The following NARF variants were observed in gnomAD, a reference collection of about 807,000 sequenced individuals.
NARF encodes iron-only hydrogenase-like protein 2.
In NARF, 41 loss-of-function variants were observed where a neutral mutation model predicts 48.0. The ratio of observed to expected loss-of-function variants is 0.85; its 90% confidence interval spans 0.66 to 1.11. NARF has a LOEUF of 1.11. Ranked by LOEUF, NARF falls within the 50% of genes least tolerant of loss-of-function variation. The pLI, the probability that NARF is intolerant of heterozygous loss-of-function variation, is 0.00. For synonymous variants in NARF, 215 were observed against 225.5 expected (o/e 0.95, Z 0.42); for missense variants, 613 against 590.2 (o/e 1.04, Z -0.40).
chr17:82,465,611 A>T (rs1004391887), intron 3 of NARF, among the ~76,000 whole-genome samples: 4 of 152,190 alleles, frequency 2.6e-5, no homozygotes, highest in Non-Finnish European at 5.9e-5. Context: ...GGCCTCACCC[A>T]GGCTGGAGTG....
intron 6 of NARF, chr17:82,480,005 A>C (rs983705674): frequency 1.3e-5 from 2 of 155,488 alleles, no homozygotes; most frequent in African/African-American, 4.8e-5. Context: ...AGGTGCCATG[A>C]GGGGCAGCCG....
chr17:82,463,793 G>A (rs960926243), intron 2 of NARF: 2 of 155,626 alleles, frequency 1.3e-5, no homozygotes, highest in Non-Finnish European at 2.9e-5. Context: ...ACATGTCCGA[G>A]TGCAAACCCA....
At chr17:82,459,032 C>T (rs963296432) in intron 1 of NARF, 1 of 1,207,884 alleles carries the variant, frequency 8.3e-7, no homozygotes, top group Non-Finnish European at 1.0e-6. Context: ...TCGGTCTTCG[C>T]GGTTCTCCCT....
At chr17:82,479,864 A>G in intron 6 of NARF, 1 of 152,498 alleles carries the variant, frequency 6.6e-6, no homozygotes, top group Non-Finnish European at 1.5e-5. Flanking sequence ...CAGTTTAGGC[A>G]GGACCGAAAA....
intron 7 of NARF, chr17:82,482,362 CG>C (rs974588293): frequency 5.5e-5 from 12 of 216,542 alleles, no homozygotes; most frequent in Non-Finnish European, 8.1e-5. Context: ...GTCCTCAGCA[CG>C]GCCATCCTTC....
chr17:82,464,577 CTTCCAA>C, intron 3 of NARF, 147 bp downstream of exon 3: 3 of 1,015,120 alleles, frequency 3.0e-6, no homozygotes, highest in Admixed American at 3.1e-5. Flanking sequence ...CTGCTTTGAC[CTTCCAA>C]ACCTCTCCAT....
rs1310373727 is a variant in NARF, at chr17:82,460,087, C to T, written c.108+15C>T. The T allele has an allele frequency of 3.7e-6, 6 of 1,610,670 alleles. No individual in the cohort carries two copies. In the Admixed American group the frequency reaches 1.0e-4, roughly 27 times the overall value. On this transcript the variant is annotated intron_variant, in intron 2 of 10. Transcript: ENST00000309794. ...AAAATGGAGAGGCAAGTAGATTTTTCAGTTTTGTATCAGCCCAGAGTAAAC... is the reference window on the plus strand; with the variant it reads ...AAAATGGAGAGGCAAGTAGATTTTTTAGTTTTGTATCAGCCCAGAGTAAAC...
At chr17:82,482,562 T>TA (rs1244235085) in intron 7 of NARF, 2 of 153,412 alleles carry the variant, frequency 1.3e-5, no homozygotes, top group East Asian at 3.9e-4. Context: ...GCCATAGTTT[T>TA]AGAGGCTCAG....
chr17:82,467,359 A>G (rs1051782191), intron 3 of NARF, among the ~76,000 whole-genome samples: 2 of 152,146 alleles, frequency 1.3e-5, no homozygotes, highest in African/African-American at 4.8e-5. Context: ...TGACTCTTAT[A>G]TCTGAACCTG....
intron 9 of NARF, 74 bp downstream of exon 9, chr17:82,485,024 G>T: frequency 6.8e-7 from 1 of 1,469,482 alleles, no homozygotes; most frequent in Non-Finnish European, 9.0e-7. Flanking sequence ...ATGGATCTGT[G>T]CATGTGGCGG....
At chr17:82,475,245 A>C (rs2043806310) in intron 5 of NARF, among the ~76,000 whole-genome samples, 1 of 152,224 alleles carries the variant, frequency 6.6e-6, no homozygotes, top group South Asian at 2.1e-4. Flanking sequence ...CAACCAAGGA[A>C]GAGGCCGTGT....
At chr17:82,481,365 C>A in intron 7 of NARF, 154 bp downstream of exon 7, 1 of 1,124,150 alleles carries the variant, frequency 8.9e-7, no homozygotes, top group Non-Finnish European at 1.2e-6. Flanking sequence ...GTCCTAGGGG[C>A]TTAACTGCAG....
Position 82,468,814 on chromosome 17 carries a change from A to T in NARF, c.303A>T (p.Gln101His). The T allele has an allele frequency of 1.9e-6, 3 of 1,614,034 alleles. No individual in the cohort carries two copies. The highest frequency in any genetic ancestry group is 2.5e-6 in the Non-Finnish European group (3 of 1,179,932). Residue 101 changes from glutamine (Q) to histidine (H), a missense_variant, in exon 4 of 11, where the codon CAA becomes CAT. By Grantham distance (24) the Gln-to-His change is conservative. Coordinates refer to ENST00000309794, the MANE Select transcript of NARF (RefSeq NM_012336.4). The stretch of plus-strand genomic sequence containing the variant: ...TGCTGGTAGTGTCTGTGTGTCCTCA[A>T]TCTTTGCCTTATTTTGCTGCTAAAT... ...HKVLVVSVCP[Q>H]SLPYFAAKFN...
intron 2 of NARF, 114 bp downstream of exon 2, chr17:82,460,186 C>T (rs182324776): frequency 2.9e-5 from 25 of 867,884 alleles, no homozygotes; most frequent in Non-Finnish European, 4.4e-5. Flanking sequence ...CTGAAGTACG[C>T]GGGCATGGTG....
At chr17:82,461,643 A>G (rs2043441578) in intron 2 of NARF, among the ~76,000 whole-genome samples, 2 of 152,170 alleles carry the variant, frequency 1.3e-5, no homozygotes, top group Non-Finnish European at 2.9e-5. Context: ...ATGCAGTCTC[A>G]TTTCACGCCC....
Position 82,484,893 on chromosome 17 carries a change from A to G in NARF, c.914A>G (p.His305Arg). ...SDGHLAHIFR[H>R]AAKELFNEDV... ...GGGCACCTGGCACACATCTTCAGAC[A>G]TGCGGCCAAGGAGCTGTTCAACGAG... is the stretch of plus-strand genomic sequence containing the variant. Residue 305 changes from histidine to arginine, a missense_variant, in exon 9 of 11, where the codon CAT becomes CGT. Coordinates refer to ENST00000309794, the MANE Select transcript of NARF (RefSeq NM_012336.4). The G allele has an allele frequency of 2.5e-6, 4 of 1,613,598 alleles. No homozygotes were observed. Among genetic ancestry groups the G allele is most frequent in the Non-Finnish European group, 3.4e-6 (4 of 1,179,738 alleles).
At position 82,486,329 on chromosome 17, in the gene NARF, C is replaced by T. The variant is rs141218148; in HGVS notation, c.1129+675C>T. On this transcript the variant is annotated intron_variant, in intron 10 of 10. Coordinates refer to ENST00000309794, the MANE Select transcript of NARF (RefSeq NM_012336.4). ...TGGTGGGGAACTGAGGACCTTTGTG[C>T]CATTGTGAGTCGGGGGGGGCACCAC... Among the ~76,000 whole-genome samples, 38 of 151,992 alleles carry T rather than the reference C, an allele frequency of 2.5e-4. No individual in the cohort carries two copies. In the East Asian group the frequency reaches 7.4e-3, roughly 29 times the overall value.
chr17:82,480,642 G>C, intron 6 of NARF: 1 of 424,854 alleles, frequency 2.4e-6, no homozygotes, highest in Non-Finnish European at 4.2e-6. Context: ...CCAAGAAAGT[G>C]CTGCATGCAG....
At chr17:82,482,001 A>C (rs889754483) in intron 7 of NARF, 4 of 300,244 alleles carry the variant, frequency 1.3e-5, no homozygotes, top group African/African-American at 6.9e-5. Context: ...TTAAGAGCCT[A>C]CAGTGAGTTC....
Sources: gnomAD v4.1 joint callset for allele counts (sites outside exome capture counted in the v4.1 genomes callset) on GRCh38, gnomAD v4.1.1 for gene constraint, MANE v1.5 for transcripts, NCBI Gene and HGNC (gene_info 2026-07-23, HGNC 2026-07-21) for gene names.